The following BNC2 variants were observed in gnomAD, a reference collection of about 807,000 sequenced individuals.
BNC2 encodes basonuclin zinc finger protein 2, also known as zinc finger protein basonuclin-2.
BNC2 carries 20 observed loss-of-function variants against 76.3 expected under a neutral mutation model. That is an observed-to-expected ratio of 0.26 (90% CI 0.18 to 0.38). The LOEUF is 0.38. Among genes scored for constraint, BNC2 ranks in the 10% least tolerant of loss-of-function variants. BNC2 has a pLI of 1.00. For synonymous variants in BNC2, 582 were observed against 514.8 expected (o/e 1.13, Z -1.77); for missense variants, 1,382 against 1,399.8 (o/e 0.99, Z 0.20).
intron 1 of BNC2, among the ~76,000 whole-genome samples, chr9:16,823,602 C>CA (rs757781498): frequency 1.5e-3 from 171 of 112,726 alleles, no homozygotes; most frequent in East Asian, 3.4e-3. Flanking sequence ...GATCCTGTTT[C>CA]AAAAAAAAAA....
At chr9:16,839,966 G>C (rs1345378052) in intron 1 of BNC2, among the ~76,000 whole-genome samples, 1 of 152,168 alleles carries the variant, frequency 6.6e-6, no homozygotes, top group South Asian at 2.1e-4. Context: ...GCAAGACACA[G>C]CTGCAGGATT....
chr9:16,559,152 C>G (rs1818933157), intron 4 of BNC2, among the ~76,000 whole-genome samples: 1 of 151,954 alleles, frequency 6.6e-6, no homozygotes, highest in South Asian at 2.1e-4. Context: ...AGAAAATAAC[C>G]CTTTAAGTAT....
chr9:16,557,377 T>TA (rs932374038), intron 4 of BNC2, among the ~76,000 whole-genome samples: 4 of 151,874 alleles, frequency 2.6e-5, no homozygotes, highest in African/African-American at 9.7e-5. Context: ...CACACGCCTG[T>TA]AGTCCCAGCT....
At chr9:16,532,572 G>A (rs1220625658) in intron 5 of BNC2, among the ~76,000 whole-genome samples, 2 of 151,972 alleles carry the variant, frequency 1.3e-5, no homozygotes, top group Non-Finnish European at 2.9e-5. Context: ...CTAAACATTC[G>A]GAAATTTTGG....
intron 5 of BNC2, among the ~76,000 whole-genome samples, chr9:16,473,860 G>A (rs909891627): frequency 1.3e-5 from 2 of 152,082 alleles, no homozygotes; most frequent in Non-Finnish European, 2.9e-5. Context: ...GCAACACAGC[G>A]AGACTCTGTC....
At chr9:16,468,928 C>A (rs1821755980) in intron 5 of BNC2, among the ~76,000 whole-genome samples, 1 of 152,066 alleles carries the variant, frequency 6.6e-6, no homozygotes, top group Non-Finnish European at 1.5e-5. Context: ...GTTTGCATGA[C>A]AACAGGGATA....
chr9:16,604,403 TTAAA>T (rs1262605869), intron 3 of BNC2, among the ~76,000 whole-genome samples: 2 of 152,222 alleles, frequency 1.3e-5, no homozygotes, highest in African/African-American at 4.8e-5. Context: ...TCATAAAACT[TTAAA>T]TATAAATCCT....
chr9:16,514,597 CTTAT>C (rs774546579), intron 5 of BNC2, among the ~76,000 whole-genome samples: 3 of 152,134 alleles, frequency 2.0e-5, no homozygotes, highest in Non-Finnish European at 4.4e-5. Flanking sequence ...TCTTTCCTCT[CTTAT>C]TTATCTTTCA....
intron 3 of BNC2, among the ~76,000 whole-genome samples, chr9:16,680,941 TCAAAC>T (rs1314627497): frequency 1.3e-5 from 2 of 152,188 alleles, no homozygotes; most frequent in Admixed American, 6.5e-5. Flanking sequence ...AGTAAACCAA[TCAAAC>T]CAAATAAGTT....
At chr9:16,769,038 G>T (rs770437315) in intron 1 of BNC2, among the ~76,000 whole-genome samples, 1 of 152,192 alleles carries the variant, frequency 6.6e-6, no homozygotes, top group Non-Finnish European at 1.5e-5. Context: ...GGGGAACAAT[G>T]GAAGAGGATT....
At chr9:16,680,917 G>A (rs980429005) in intron 3 of BNC2, among the ~76,000 whole-genome samples, 4 of 152,046 alleles carry the variant, frequency 2.6e-5, no homozygotes, top group African/African-American at 7.2e-5. Flanking sequence ...TTTCGACAAT[G>A]GACACAAACA....
chr9:16,551,224 A>AG (rs1318078866), intron 5 of BNC2, among the ~76,000 whole-genome samples: 1 of 152,212 alleles, frequency 6.6e-6, no homozygotes, highest in African/African-American at 2.4e-5. Context: ...CCCAGTTGAG[A>AG]TTCTCACTAA....
chr9:16,756,257 C>T (rs1039896303), intron 1 of BNC2, among the ~76,000 whole-genome samples: 7 of 152,178 alleles, frequency 4.6e-5, no homozygotes, highest in South Asian at 4.1e-4. Flanking sequence ...TCTCTCTCTT[C>T]GCTGTGGATA....
rs922508265 is a variant in BNC2, at chr9:16,412,751, G to C, written c.*6238C>G. 6.8e-6 allele frequency: 1 copy of C among 147,620 alleles called. No homozygotes were observed. Among genetic ancestry groups the C allele is most frequent in the African/African-American group, 2.6e-5 (1 of 37,778 alleles). 9.1% of individuals were successfully genotyped at this position (147,620 alleles called of 1,614,324 possible). A position where few individuals can be genotyped will look rare whatever the true frequency, so the allele number is the denominator to read the frequency against. On this transcript the variant is annotated 3_prime_UTR_variant, in exon 7 of 7. Coordinates refer to ENST00000380672, the MANE Select transcript of BNC2 (RefSeq NM_017637.6). ...AGAGAGAGAGAGAGAGAGAGAGAGA[G>C]AGAGAGAGAGAGAGACTGACTGATT...
At chr9:16,438,186 C>G (rs1201437061) in intron 5 of BNC2, among the ~76,000 whole-genome samples, 1 of 151,962 alleles carries the variant, frequency 6.6e-6, no homozygotes, top group Non-Finnish European at 1.5e-5. Context: ...AAAAACATCA[C>G]TCATAAAAGG....
chr9:16,726,002 GCACA>G (rs3083820), intron 3 of BNC2, among the ~76,000 whole-genome samples: 2 of 151,252 alleles, frequency 1.3e-5, no homozygotes, highest in East Asian at 3.9e-4. Context: ...ACACACACAC[GCACA>G]CACACACACA....
At chr9:16,764,525 T>C (rs866099607) in intron 1 of BNC2, among the ~76,000 whole-genome samples, 8 of 152,190 alleles carry the variant, frequency 5.3e-5, no homozygotes. Context: ...CCCAAGTCAA[T>C]ATGCCATAAA....
At chr9:16,459,653 A>G (rs927317019) in intron 5 of BNC2, among the ~76,000 whole-genome samples, 3 of 152,326 alleles carry the variant, frequency 2.0e-5, no homozygotes, top group African/African-American at 7.2e-5. Context: ...AGAAAACAGC[A>G]TGCAAACAGC....
intron 3 of BNC2, among the ~76,000 whole-genome samples, chr9:16,595,653 T>C (rs956721474): frequency 6.6e-6 from 1 of 152,144 alleles, no homozygotes; most frequent in African/African-American, 2.4e-5. Flanking sequence ...TTCTATGACA[T>C]CTATATGAAT....
Sources: allele counts gnomAD v4.1 joint callset (sites outside exome capture counted in the v4.1 genomes callset), GRCh38; gene constraint gnomAD v4.1.1; transcripts MANE v1.5; gene names NCBI Gene and HGNC (gene_info 2026-07-23, HGNC 2026-07-21).